ARHGAP6: variants seen among roughly 807,000 people sequenced by gnomAD.
The protein encoded by ARHGAP6 is Rho GTPase activating protein 6, also known as rho GTPase-activating protein 6.
In ARHGAP6, 16 loss-of-function variants were observed where a neutral mutation model predicts 55.7. The observed-to-expected ratio is 0.29, with a 90% CI of 0.19 to 0.44. The LOEUF (loss-of-function observed/expected upper bound fraction) is 0.44. Ranked by LOEUF, ARHGAP6 falls within the 20% of genes least tolerant of loss-of-function variation. The pLI is 1.00. For synonymous variants in ARHGAP6, 382 were observed against 360.9 expected, an observed-to-expected ratio of 1.06 and a Z score of -0.66; for missense variants, 698 against 808.9, an observed-to-expected ratio of 0.86 and a Z score of 1.66.
intron 8 of ARHGAP6, among the ~76,000 whole-genome samples, chrX:11,170,460 A>T (rs2046074362): frequency 8.9e-6 from 1 of 112,074 alleles, no homozygotes; most frequent in African/African-American, 3.2e-5. Flanking sequence ...AGGTGAGATG[A>T]TCTTCATGTG....
At chrX:11,370,109 T>C (rs1195022844) in intron 1 of ARHGAP6, among the ~76,000 whole-genome samples, 4 of 112,416 alleles carry the variant, frequency 3.6e-5, no homozygotes, top group African/African-American at 1.3e-4. Context: ...TATACTCTTC[T>C]AAAACCCAGA....
At chrX:11,145,040 G>C (rs1391849680) in intron 10 of ARHGAP6, 1 of 112,137 alleles carries the variant, frequency 8.9e-6, no homozygotes, top group Non-Finnish European at 1.9e-5. Flanking sequence ...ATGAGAACTT[G>C]AGCAACGTGA....
At chrX:11,550,880 G>A (rs904837533) in intron 1 of ARHGAP6, among the ~76,000 whole-genome samples, 12 of 111,862 alleles carry the variant, frequency 1.1e-4, no homozygotes, top group African/African-American at 3.2e-4. Context: ...TTGTGTGCTG[G>A]TGAGTGGACT....
At chrX:11,590,773 C>A (rs1324346175) in intron 1 of ARHGAP6, among the ~76,000 whole-genome samples, 1 of 31,098 alleles carries the variant, frequency 3.2e-5, no homozygotes, top group Non-Finnish European at 5.8e-5. Context: ...GAGACTCCAT[C>A]TCGAAAAGAA....
intron 1 of ARHGAP6, among the ~76,000 whole-genome samples, chrX:11,306,485 G>T (rs1419425184): frequency 8.9e-6 from 1 of 112,121 alleles, no homozygotes; most frequent in Non-Finnish European, 1.9e-5. Context: ...CATTTACTGG[G>T]CTTATTATAT....
intron 1 of ARHGAP6, among the ~76,000 whole-genome samples, chrX:11,400,930 ATAT>A (rs2049540996): frequency 8.9e-6 from 1 of 112,481 alleles, no homozygotes; most frequent in Non-Finnish European, 1.9e-5. Flanking sequence ...TTACTATTAA[ATAT>A]TAGAGTTCAA....
At chrX:11,528,035 T>C (rs1414377800) in intron 1 of ARHGAP6, among the ~76,000 whole-genome samples, 2 of 112,518 alleles carry the variant, frequency 1.8e-5, no homozygotes, top group African/African-American at 6.5e-5. Flanking sequence ...TCAAAAGGCT[T>C]AAGGACTTGT....
chrX:11,359,006 A>C (rs1478356977), intron 1 of ARHGAP6, among the ~76,000 whole-genome samples: 2 of 112,486 alleles, frequency 1.8e-5, no homozygotes, highest in Non-Finnish European at 3.8e-5. Context: ...CCTTAAAAAT[A>C]AATTCAGCTT....
At chrX:11,538,439 G>A (rs1156936176) in intron 1 of ARHGAP6, among the ~76,000 whole-genome samples, 1 of 111,227 alleles carries the variant, frequency 9.0e-6, no homozygotes, top group Non-Finnish European at 1.9e-5. Context: ...TCTATAAAAT[G>A]TATCTTTAGG....
chrX:11,389,916 A>C (rs984449462), intron 1 of ARHGAP6, among the ~76,000 whole-genome samples: 1 of 112,050 alleles, frequency 8.9e-6, no homozygotes, highest in Non-Finnish European at 1.9e-5. Context: ...AATGTTAACC[A>C]CTAGTCTAGT....
At chrX:11,198,584 C>G (rs920974276) in intron 2 of ARHGAP6, among the ~76,000 whole-genome samples, 5 of 112,039 alleles carry the variant, frequency 4.5e-5, no homozygotes, top group Non-Finnish European at 9.4e-5. Flanking sequence ...ATAGTTGACC[C>G]AGCAGAATAA....
intron 1 of ARHGAP6, among the ~76,000 whole-genome samples, chrX:11,590,149 A>G (rs1476532610): frequency 8.9e-6 from 1 of 111,780 alleles, no homozygotes; most frequent in East Asian, 2.8e-4. Context: ...TTAAAAATAC[A>G]CAGCAATGGC....
chrX:11,145,199 T>A (rs1449202197), intron 10 of ARHGAP6: 3 of 112,666 alleles, frequency 2.7e-5, no homozygotes, highest in Non-Finnish European at 3.8e-5. Flanking sequence ...TTCTCTTTAC[T>A]AGTCTTTGCT....
intron 1 of ARHGAP6, among the ~76,000 whole-genome samples, chrX:11,380,482 C>T (rs1008670229): frequency 8.9e-6 from 1 of 111,814 alleles, no homozygotes; most frequent in Non-Finnish European, 1.9e-5. Flanking sequence ...ACGATTGTGT[C>T]TAGCTCAATA....
At chrX:11,365,789 T>C (rs1019369398) in intron 1 of ARHGAP6, among the ~76,000 whole-genome samples, 2 of 112,482 alleles carry the variant, frequency 1.8e-5, no homozygotes, top group Non-Finnish European at 3.8e-5. Context: ...CAATTTCATC[T>C]GTGAGAGCCA....
chrX:11,174,573 CCTTTCTTT>C lies in ARHGAP6; in HGVS notation c.1629+3519_1629+3526del, dbSNP rs1274689353. ...TCCTTCCTTCCTTCCTTCCTTCCTT[CCTTTCTTT>C]CTTTCTTTCTTTTTCTTTCTTTCTT... is the stretch of plus-strand genomic sequence containing the variant. On this transcript the variant is annotated intron_variant, in intron 8 of 12. Transcript: ENST00000337414. 4.0e-4 allele frequency among the ~76,000 whole-genome samples: 17 copies of C among 42,287 alleles called. 1 individual carries two copies. Among genetic ancestry groups the C allele is most frequent in the East Asian group, 1.5e-3 (2 of 1,307 alleles). 36.7% of individuals were successfully genotyped at this position (42,287 alleles called of 115,157 possible).
intron 2 of ARHGAP6, among the ~76,000 whole-genome samples, chrX:11,238,027 T>C (rs1257667421): frequency 8.9e-6 from 1 of 111,896 alleles, no homozygotes; most frequent in Non-Finnish European, 1.9e-5. Flanking sequence ...CATCACCAAA[T>C]GTCCTCCAGG....
intron 1 of ARHGAP6, among the ~76,000 whole-genome samples, chrX:11,506,604 T>C (rs765725004): frequency 2.1e-4 from 23 of 107,421 alleles, no homozygotes; most frequent in Non-Finnish European, 3.6e-4. Flanking sequence ...TATTCCATAG[T>C]GTATATGTGC....
chrX:11,656,116 G>C (rs188843873), intron 1 of ARHGAP6, among the ~76,000 whole-genome samples: 5 of 112,281 alleles, frequency 4.5e-5, no homozygotes, highest in Admixed American at 2.8e-4. Context: ...TCTATGTGGG[G>C]AATCTTTACA....
Sources: allele counts gnomAD v4.1 joint callset (sites outside exome capture counted in the v4.1 genomes callset), GRCh38; gene constraint gnomAD v4.1.1; transcripts MANE v1.5; gene names NCBI Gene and HGNC (gene_info 2026-07-23, HGNC 2026-07-21).